The following ATG14 variants were observed in gnomAD, a reference collection of about 807,000 sequenced individuals.
ATG14 encodes autophagy related 14, also known as beclin 1-associated autophagy-related key regulator.
A neutral mutation model predicts 60.4 loss-of-function variants in ATG14; 35 were observed. The ratio of observed to expected loss-of-function variants is 0.58; its 90% CI spans 0.44 to 0.77. The LOEUF is 0.77. Ranked by LOEUF, ATG14 falls within the 30% of genes least tolerant of loss-of-function variation. The pLI is 0.00. For missense variants in ATG14, 647 were observed against 626.3 expected, an observed-to-expected ratio of 1.03 and a Z score of -0.35; for synonymous variants, 234 against 228.8, an observed-to-expected ratio of 1.02 and a Z score of -0.21.
intron 1 of ATG14, among the ~76,000 whole-genome samples, chr14:55,406,291 AGGCACAGACGGTTT>A (rs1885489721): frequency 6.6e-6 from 1 of 152,236 alleles, no homozygotes. Flanking sequence ...AGATCCATGC[AGGCACAGACGGTTT>A]GGCTAATTTA....
In ATG14 at chr14:55,397,392, C is replaced by A. The variant is rs1208480066; in HGVS notation, c.264G>T (p.Lys88Asn). 1 of 1,613,636 alleles carries A rather than the reference C, an allele frequency of 6.2e-7. No individual in the cohort carries two copies. Among genetic ancestry groups the A allele is most frequent in the Non-Finnish European group, 8.5e-7 (1 of 1,179,670 alleles). Residue 88 changes from lysine (K) to asparagine (N), a missense_variant, in exon 2 of 10, where the codon AAG becomes AAT. Physicochemically the swap from Lys to Asn is moderately conservative, Grantham distance 94. Transcript: ENST00000247178. ...CTCACTCTTTCTGAAATTCTTCTTG[C>A]TTGCTCTTAAGTCGGCTTAACCTTT... ...KKERLSRLKS[K>N]QEEFQKEVLK... is the part of the protein sequence containing the mutation.
chr14:55,410,994 A>G (rs1885561941), intron 1 of ATG14, among the ~76,000 whole-genome samples: 1 of 152,224 alleles, frequency 6.6e-6, no homozygotes, highest in Non-Finnish European at 1.5e-5. Flanking sequence ...TGCAGCTCCC[A>G]ATCTGAATTT....
intron 2 of ATG14, among the ~76,000 whole-genome samples, chr14:55,397,021 G>T (rs1885324632): frequency 6.6e-6 from 1 of 152,174 alleles, no homozygotes; most frequent in Non-Finnish European, 1.5e-5. Context: ...ATGGACAAAA[G>T]AAGAATGGTA....
rs1407351896 is a variant in ATG14, at chr14:55,381,992, C to T, written c.847G>A (p.Val283Met). ...CCCTGGGTTGTTTTCTTCTCCTCCACCCAGCTGTAGTAGGCAGAGTAGTCC... is the reference window on the plus strand; with the variant it reads ...CCCTGGGTTGTTTTCTTCTCCTCCATCCAGCTGTAGTAGGCAGAGTAGTCC... ...NGDYSAYYSW[V>M]EEKKTTQGPD... The change falls in exon 6 of 10, where the codon GTG becomes ATG. Residue 283 changes from valine to methionine, a missense_variant. Physicochemically the swap from Val to Met is conservative, Grantham distance 21. Transcript: ENST00000247178. 3 of 1,614,058 alleles carry T rather than the reference C, an allele frequency of 1.9e-6. No individual in the cohort carries two copies. Among genetic ancestry groups the T allele is most frequent in the East Asian group, 2.2e-5 (1 of 44,896 alleles).
chr14:55,370,289 A>G (rs903054857), intron 9 of ATG14, among the ~76,000 whole-genome samples: 1 of 152,244 alleles, frequency 6.6e-6, no homozygotes, highest in African/African-American at 2.4e-5. Context: ...CACTCCAATG[A>G]GACAATTCTA....
At chr14:55,407,409 G>T (rs1030127973) in intron 1 of ATG14, among the ~76,000 whole-genome samples, 1 of 151,838 alleles carries the variant, frequency 6.6e-6, no homozygotes, top group South Asian at 2.1e-4. Context: ...GATTACAGGC[G>T]TGAGCCACTG....
intron 9 of ATG14, among the ~76,000 whole-genome samples, chr14:55,374,144 A>AT (rs1884875960): frequency 6.6e-6 from 1 of 152,112 alleles, no homozygotes; most frequent in Non-Finnish European, 1.5e-5. Context: ...GAGCCTTCCT[A>AT]TTTTTGTCAA....
intron 1 of ATG14, among the ~76,000 whole-genome samples, chr14:55,410,160 G>A (rs1016328332): frequency 6.6e-6 from 1 of 152,128 alleles, no homozygotes; most frequent in African/African-American, 2.4e-5. Context: ...GATTTATGAT[G>A]GAAAACAAGG....
At chr14:55,374,365 TA>T (rs1884880221) in intron 9 of ATG14, among the ~76,000 whole-genome samples, 1 of 152,224 alleles carries the variant, frequency 6.6e-6, no homozygotes, top group African/African-American at 2.4e-5. Context: ...CCGCATGTTT[TA>T]ATCTTTTGTC....
Position 55,368,801 on chromosome 14 carries a change from A to G in ATG14, c.*818T>C, listed in dbSNP as rs530380041. The G allele has an allele frequency of 6.6e-6, 1 of 152,322 alleles. No homozygotes were observed. Among genetic ancestry groups the G allele is most frequent in the South Asian group, 2.1e-4 (1 of 4,824 alleles). The allele number at this position is 152,322 out of a possible 1,614,324, so 9.4% of individuals were successfully genotyped here. ...CATAAGGGAATGACCTTCATGACTTATTTTCACCCAGAAAATATAAGTTCA... is the reference window on the plus strand; with the variant it reads ...CATAAGGGAATGACCTTCATGACTTGTTTTCACCCAGAAAATATAAGTTCA... On this transcript the variant is annotated 3_prime_UTR_variant, in exon 10 of 10. Transcript: ENST00000247178.
rs745757084 is a variant in ATG14 at position 55,378,060 on chromosome 14, T to G, written c.1010A>C (p.Glu337Ala). The change falls in exon 8 of 10, where the codon GAA becomes GCA. Residue 337 changes from glutamate to alanine, a missense_variant. Physicochemically the swap from Glu to Ala is moderately radical, Grantham distance 107. Transcript: ENST00000247178. Reference protein sequence around the residue: ...KKLCNSEFCGENLSKQKFTRA... With the variant: ...KKLCNSEFCGANLSKQKFTRA... The stretch of plus-strand genomic sequence containing the variant: ...AGTAAATTTCTGCTTGCTTAGATTT[T>G]CGCCACAAAATTCACTGTAAAACAA... The G allele has an allele frequency of 6.2e-7, 1 of 1,612,980 alleles. No individual in the cohort carries two copies. Among genetic ancestry groups the G allele is most frequent in the South Asian group, 1.1e-5 (1 of 90,930 alleles).
chr14:55,403,034 C>A (rs568462436), intron 1 of ATG14, among the ~76,000 whole-genome samples: 17 of 132,758 alleles, frequency 1.3e-4, no homozygotes, highest in Admixed American at 3.3e-4. Flanking sequence ...GTAGGAGGAT[C>A]ATTTGAGCCC....
intron 1 of ATG14, among the ~76,000 whole-genome samples, chr14:55,401,700 C>A (rs1025546929): frequency 6.6e-6 from 1 of 152,082 alleles, no homozygotes; most frequent in Admixed American, 6.6e-5. Context: ...TTCCAGCAGT[C>A]CCTCTGTGAT....
chr14:55,404,611 A>G (rs1885460405), intron 1 of ATG14, among the ~76,000 whole-genome samples: 1 of 152,200 alleles, frequency 6.6e-6, no homozygotes, highest in African/African-American at 2.4e-5. Flanking sequence ...ATCTAGAGGG[A>G]GAGAACCTGG....
In ATG14 at chr14:55,385,896, C is replaced by CA; in HGVS notation, c.609dup (p.Val204CysfsTer23). The CA allele has an allele frequency of 6.2e-7, 1 of 1,613,088 alleles. No individual in the cohort carries two copies. Among genetic ancestry groups the CA allele is most frequent in the Non-Finnish European group, 8.5e-7 (1 of 1,179,364 alleles). ...TTTACTTCCTCGATTGGAAAAATGA[C>CA]AGAGGTGAGCTCTAATATATGGGAT... On this transcript the variant is annotated frameshift_variant, in exon 5 of 10. Coordinates refer to ENST00000247178, the MANE Select transcript of ATG14 (RefSeq NM_014924.5). LOFTEE classifies it high-confidence loss of function.
At chr14:55,390,670 G>A (rs1421223739) in intron 4 of ATG14, among the ~76,000 whole-genome samples, 1 of 152,094 alleles carries the variant, frequency 6.6e-6, no homozygotes, top group Non-Finnish European at 1.5e-5. Flanking sequence ...CACGCCTGGC[G>A]CCTAACTTTT....
intron 5 of ATG14, among the ~76,000 whole-genome samples, chr14:55,383,880 A>C (rs1368081540): frequency 6.6e-6 from 1 of 152,190 alleles, no homozygotes; most frequent in African/African-American, 2.4e-5. Flanking sequence ...TGGGATGCAC[A>C]AGGGAAGTGC....
At chr14:55,383,048 A>G (rs762881897) in intron 5 of ATG14, among the ~76,000 whole-genome samples, 2 of 152,220 alleles carry the variant, frequency 1.3e-5, no homozygotes, top group African/African-American at 2.4e-5. Context: ...AAGTAAAAAT[A>G]GCATCCCACA....
Position 55,378,033 on chromosome 14 carries a change from C to G in ATG14, c.1037G>C (p.Arg346Pro), listed in dbSNP as rs374651173. The G allele has an allele frequency of 6.2e-7, 1 of 1,612,886 alleles. No individual in the cohort carries two copies. The highest frequency in any genetic ancestry group is 1.1e-5 in the South Asian group (1 of 90,964). ...GENLSKQKFT[R>P]AVKKLNANIL... Reference sequence around the variant, plus strand: ...ATTTGCATTCAGTTTCTTCACTGCTCGAGTAAATTTCTGCTTGCTTAGATT... The same window carrying G: ...ATTTGCATTCAGTTTCTTCACTGCTGGAGTAAATTTCTGCTTGCTTAGATT... Residue 346 changes from arginine to proline, a missense_variant, in exon 8 of 10, where the codon CGA (arginine) becomes CCA (proline). Arg to Pro is a moderately radical substitution (Grantham distance 103, BLOSUM62 -2). Transcript: ENST00000247178.
Sources: allele counts gnomAD v4.1 joint callset (sites outside exome capture counted in the v4.1 genomes callset), GRCh38; gene constraint gnomAD v4.1.1; transcripts MANE v1.5; gene names NCBI Gene and HGNC (gene_info 2026-07-23, HGNC 2026-07-21).